CD207: variants seen among roughly 807,000 people sequenced by gnomAD.
CD207 encodes C-type lectin domain family 4 member K.
Under a neutral mutation model 31.6 loss-of-function variants are expected in CD207, and 28 were observed. That is an observed-to-expected ratio of 0.89 (90% confidence interval 0.66 to 1.21). The LOEUF is 1.21. CD207 is among the 50% of genes most tolerant of loss of function. CD207 has a pLI of 0.00. For missense variants in CD207, 388 were observed against 397.8 expected, an observed-to-expected ratio of 0.98 and a Z score of 0.21; for synonymous variants, 168 against 153.9, an observed-to-expected ratio of 1.09 and a Z score of -0.68.
chr2:70,831,901 C>G (rs1325713444), intron 4 of CD207, 82 bp from the exon 5 acceptor site: 1 of 906,550 alleles, frequency 1.1e-6, no homozygotes, highest in Non-Finnish European at 1.8e-6. Context: ...CACCTGCGCT[C>G]AGTGACAGCC....
At position 70,833,695 on chromosome 2, in the gene CD207, C is replaced by A; in HGVS notation, c.516G>T (p.Arg172=). 1 of 1,613,966 alleles carries A rather than the reference C, an allele frequency of 6.2e-7. No homozygotes were observed. The highest frequency in any genetic ancestry group is 2.2e-5 in the East Asian group (1 of 44,870). Residue 172 remains arginine, a synonymous_variant, in exon 3 of 6, where the codon CGG becomes CGT. Transcript: ENST00000410009. Reference sequence around the variant, plus strand: ...TATTCTCCAAGCTGCCCTGGAGTGCCCGGATCTTTGTATTTAAAGCACTGG... The same window carrying A: ...TATTCTCCAAGCTGCCCTGGAGTGCACGGATCTTTGTATTTAAAGCACTGG... ...EKASALNTKI[R]ALQGSLENMS...
the CD207 span, among the ~76,000 whole-genome samples, chr2:70,824,560 A>G: frequency 6.8e-6 from 1 of 147,546 alleles, no homozygotes; most frequent in East Asian, 2.1e-4. Flanking sequence ...CTGGGGCAGG[A>G]AATACTCAAG....
chr2:70,824,511 G>T, the CD207 span, among the ~76,000 whole-genome samples: 1 of 150,058 alleles, frequency 6.7e-6, no homozygotes, highest in African/African-American at 2.4e-5. Flanking sequence ...TCCAAAAAAA[G>T]GAAACCAGGG....
In CD207 at chr2:70,834,017, G is replaced by A; in HGVS notation, c.194C>T (p.Pro65Leu). The change falls in exon 3 of 6, where the codon CCC becomes CTC. Residue 65 changes from proline to leucine, a missense_variant. Physicochemically the swap from Pro to Leu is moderately conservative, Grantham distance 98. Coordinates refer to ENST00000410009, the MANE Select transcript of CD207 (RefSeq NM_015717.5). ...ATCTGATATGGTGCCCATAAACCGG[G>A]GATCTGGGATTGAGAAAGTCAGGAG... ...ASVLLQAVLY[P>L]RFMGTISDVK... 1 of 1,504,794 alleles carries A rather than the reference G, an allele frequency of 6.6e-7. No homozygotes were observed. 93.2% of individuals were successfully genotyped at this position (1,504,794 alleles called of 1,614,324 possible).
the CD207 span, among the ~76,000 whole-genome samples, chr2:70,824,850 C>A: frequency 3.1e-4 from 47 of 152,200 alleles, no homozygotes; most frequent in African/African-American, 1.1e-3. Flanking sequence ...GTCTCTAGGG[C>A]AGAAAATGTC....
Position 70,832,899 on chromosome 2 carries a change from C to T in CD207, c.717+1G>A, listed in dbSNP as rs367897796. 43 of 1,612,846 alleles carry T rather than the reference C, an allele frequency of 2.7e-5. No homozygotes were observed. In the African/African-American group the frequency reaches 3.9e-4, roughly 14 times the overall value. On this transcript the variant is annotated splice_donor_variant, in intron 4 of 5. Transcript: ENST00000410009. LOFTEE classifies it high-confidence loss of function. ...ACAGAGCCCATAGGCACAGCACTCA[C>T]CTGCTCACTCTCTGAGGTCACCGAG...
chr2:70,824,275 T>C, the CD207 span, among the ~76,000 whole-genome samples: 1 of 98,258 alleles, frequency 1.0e-5, no homozygotes, highest in Non-Finnish European at 2.4e-5. Flanking sequence ...TTTACAGGCC[T>C]GAATGCAAAC....
At chr2:70,825,099 G>A in the CD207 span, among the ~76,000 whole-genome samples, 5 of 152,162 alleles carry the variant, frequency 3.3e-5, no homozygotes, top group African/African-American at 9.7e-5. Flanking sequence ...TGATGAGAAT[G>A]GCCCTTTATC....
At chr2:70,826,416 G>T (rs1677346128), downstream of CD207, among the ~76,000 whole-genome samples, 1 of 152,016 alleles carries the variant, frequency 6.6e-6, no homozygotes, top group Non-Finnish European at 1.5e-5. Flanking sequence ...TTGCTCTGTA[G>T]CCCAGGCTAG....
chr2:70,826,971 A>G (rs2104694532), downstream of CD207, among the ~76,000 whole-genome samples: 1 of 152,322 alleles, frequency 6.6e-6, no homozygotes, highest in Non-Finnish European at 1.5e-5. Flanking sequence ...TGTCCTTCAC[A>G]TAAAATCCAA....
downstream of CD207, among the ~76,000 whole-genome samples, chr2:70,828,654 A>G (rs1553399206): frequency 6.6e-6 from 1 of 152,148 alleles, no homozygotes; most frequent in African/African-American, 2.4e-5. Context: ...TCTGCCAACT[A>G]TAATCCTCTG....
downstream of CD207, among the ~76,000 whole-genome samples, chr2:70,825,808 C>T (rs1677329540): frequency 6.6e-6 from 1 of 151,946 alleles, no homozygotes; most frequent in South Asian, 2.1e-4. Context: ...GCTCTGTGAA[C>T]ACAGGCATGA....
At chr2:70,827,646 A>G (rs376035279), downstream of CD207, among the ~76,000 whole-genome samples, 7 of 151,594 alleles carry the variant, frequency 4.6e-5, no homozygotes, top group Non-Finnish European at 8.9e-5. Flanking sequence ...GTGCGCGCAC[A>G]CACACACACA....
In CD207 at chr2:70,833,760, T is replaced by C. The variant is rs1250405291; in HGVS notation, c.451A>G (p.Asn151Asp). The change falls in exon 3 of 6, where the codon AAT (asparagine) becomes GAT (aspartate). Residue 151 changes from asparagine to aspartate, a missense_variant. Physicochemically the swap from Asn to Asp is conservative, Grantham distance 23. Transcript: ENST00000410009. ...CTTTTTAACTCTGGGATTTGGGCAT[T>C]TAAGGTACTGACTTCTTCCCAACTT... ...TRSWEEVSTL[N>D]AQIPELKSDL... 1 of 1,613,922 alleles carries C rather than the reference T, an allele frequency of 6.2e-7. No homozygotes were observed. The highest frequency in any genetic ancestry group is 8.5e-7 in the Non-Finnish European group (1 of 1,179,918).
At chr2:70,829,079 CT>C (rs1299376741), downstream of CD207, among the ~76,000 whole-genome samples, 5 of 152,200 alleles carry the variant, frequency 3.3e-5, no homozygotes, top group Non-Finnish European at 7.3e-5. Context: ...GCTCAACTTC[CT>C]TTTGTTAACA....
Position 70,832,923 on chromosome 2 carries a change from A to C in CD207, c.694T>G (p.Ser232Ala). 6.2e-7 allele frequency: 1 copy of C among 1,613,880 alleles called. No homozygotes were observed. The highest frequency in any genetic ancestry group is 8.5e-7 in the Non-Finnish European group (1 of 1,179,786). ...FCVSRNSHLT[S>A]VTSESEQEFL... Reference sequence around the variant, plus strand: ...ACCTGCTCACTCTCTGAGGTCACCGAGGTCAGGTGTGAATTCCTGGACACA... The same window carrying C: ...ACCTGCTCACTCTCTGAGGTCACCGCGGTCAGGTGTGAATTCCTGGACACA... Residue 232 changes from serine (S) to alanine (A), a missense_variant, in exon 4 of 6, where the codon TCG (serine) becomes GCG (alanine). Coordinates refer to ENST00000410009, the MANE Select transcript of CD207 (RefSeq NM_015717.5).
chr2:70,829,800 C>T (rs927791907), downstream of CD207, among the ~76,000 whole-genome samples: 1 of 152,152 alleles, frequency 6.6e-6, no homozygotes, highest in African/African-American at 2.4e-5. Flanking sequence ...AAGACCTGTG[C>T]TCACTCCACC....
At chr2:70,828,207 G>T (rs1014422264), downstream of CD207, among the ~76,000 whole-genome samples, 3 of 152,218 alleles carry the variant, frequency 2.0e-5, no homozygotes, top group African/African-American at 7.2e-5. Context: ...GACAGGACTA[G>T]AGCACTATCA....
chr2:70,831,382 C>T (rs1352043768), intron 5 of CD207, among the ~76,000 whole-genome samples, 182 bp from the exon 6 acceptor site: 8 of 152,158 alleles, frequency 5.3e-5, no homozygotes, highest in Admixed American at 4.6e-4. Context: ...CTTTCACATG[C>T]CCCAAGTCCA....
Sources: allele counts gnomAD v4.1 joint callset (sites outside exome capture counted in the v4.1 genomes callset), GRCh38; gene constraint gnomAD v4.1.1; transcripts MANE v1.5; gene names NCBI Gene and HGNC (gene_info 2026-07-23, HGNC 2026-07-21).